The following MIR2052HG variants were observed in gnomAD, a reference collection of about 807,000 sequenced individuals.
MIR2052HG encodes MIR2052 host gene.
chr8:74,606,681 G>A (rs558772408), intron 1 of MIR2052HG, among the ~76,000 whole-genome samples: 14 of 152,234 alleles, frequency 9.2e-5, no homozygotes, highest in Admixed American at 2.6e-4. Flanking sequence ...GGGCCTACCC[G>A]AGTGTAGAGG....
rs185645569 is a variant in MIR2052HG, at chr8:74,604,182, A to G, written n.128+4274A>G. The G allele has an allele frequency of 1.1e-4, 98 of 894,646 alleles. 1 individual carries two copies. The African/African-American group carries it at 1.4e-3, about 13-fold the overall frequency. The allele number at this position is 894,646 out of a possible 1,614,324, so 55.4% of individuals were successfully genotyped here. On this transcript the variant is annotated intron_variant and non_coding_transcript_variant, in intron 1 of 6. Transcript: ENST00000523442. ...CGATGATACTGCCAACTTCCTTTCC[A>G]TGCATAAGTAGTCGGATGGTGAGAG...
At chr8:74,657,136 C>T (rs1300205685) in intron 2 of MIR2052HG, among the ~76,000 whole-genome samples, 2 of 152,180 alleles carry the variant, frequency 1.3e-5, no homozygotes, top group Non-Finnish European at 2.9e-5. Flanking sequence ...TTCTATGCTG[C>T]TGCCTTCTTC....
chr8:74,706,542 G>T (rs966847342), intron 4 of MIR2052HG, among the ~76,000 whole-genome samples: 1 of 152,028 alleles, frequency 6.6e-6, no homozygotes, highest in Admixed American at 6.6e-5. Flanking sequence ...AAGATTATGT[G>T]CAATGTTGGT....
intron 2 of MIR2052HG, among the ~76,000 whole-genome samples, chr8:74,664,035 T>C (rs1358438855): frequency 6.6e-6 from 1 of 152,050 alleles, no homozygotes; most frequent in Admixed American, 6.5e-5. Context: ...GAAAACCAAA[T>C]ACTGTATGTT....
chr8:74,655,479 T>G (rs995265545), intron 2 of MIR2052HG, among the ~76,000 whole-genome samples: 2 of 152,174 alleles, frequency 1.3e-5, no homozygotes, highest in Non-Finnish European at 2.9e-5. Context: ...CTCCAGCCAT[T>G]GCTAAAAGGG....
intron 2 of MIR2052HG, among the ~76,000 whole-genome samples, chr8:74,647,431 A>G (rs1808700827): frequency 6.6e-6 from 1 of 152,226 alleles, no homozygotes; most frequent in Non-Finnish European, 1.5e-5. Flanking sequence ...CACAAATGCA[A>G]AGCATTGCAA....
rs1281427417 is a variant in MIR2052HG, at chr8:74,701,535, GGCA to G, written n.217-843_217-841del. On this transcript the variant is annotated intron_variant and non_coding_transcript_variant, in intron 2 of 6. Coordinates refer to ENST00000523442, the Ensembl canonical transcript of MIR2052HG. ...TCCATAGAGGGTGTTTAGTTGGGGT[GGCA>G]CCAATGGTGGCATCCTAACTAGACT... 2.6e-5 allele frequency among the ~76,000 whole-genome samples: 4 copies of G among 151,960 alleles called. No individual in the cohort carries two copies. The East Asian group carries it at 7.7e-4, about 29-fold the overall frequency.
chr8:74,686,634 G>A (rs1051762882), intron 2 of MIR2052HG, among the ~76,000 whole-genome samples: 16 of 152,030 alleles, frequency 1.1e-4, no homozygotes, highest in Non-Finnish European at 2.9e-5. Context: ...TTTGTTATCT[G>A]TAAAATGATA....
chr8:74,664,241 C>A (rs1321915891), intron 2 of MIR2052HG, among the ~76,000 whole-genome samples: 2 of 150,540 alleles, frequency 1.3e-5, no homozygotes, highest in Non-Finnish European at 3.0e-5. Context: ...GTCCATGTAA[C>A]CAAAAACTGC....
chr8:74,649,592 A>T (rs949980408), intron 2 of MIR2052HG, among the ~76,000 whole-genome samples: 7 of 152,084 alleles, frequency 4.6e-5, no homozygotes, highest in Non-Finnish European at 1.0e-4. Flanking sequence ...TATCACAAAT[A>T]CTTTAATTTT....
At chr8:74,690,651 AAAAAATAAAAT>A (rs1325931333) in intron 2 of MIR2052HG, among the ~76,000 whole-genome samples, 1 of 152,042 alleles carries the variant, frequency 6.6e-6, no homozygotes, top group Non-Finnish European at 1.5e-5. Context: ...ACTCCATCTC[AAAAAATAAAAT>A]AAAAATAAAA....
At chr8:74,736,319 G>T (rs968050371) in intron 4 of MIR2052HG, among the ~76,000 whole-genome samples, 1 of 152,034 alleles carries the variant, frequency 6.6e-6, no homozygotes, top group Admixed American at 6.6e-5. Context: ...TTTATGTGGT[G>T]GGTACATAAT....
chr8:74,715,796 C>CA (rs1809514613), intron 4 of MIR2052HG, among the ~76,000 whole-genome samples: 1 of 152,086 alleles, frequency 6.6e-6, no homozygotes, highest in African/African-American at 2.4e-5. Context: ...TTTATACTTG[C>CA]CAAGAAAATT....
intron 1 of MIR2052HG, among the ~76,000 whole-genome samples, chr8:74,605,315 T>G (rs544976896): frequency 6.6e-6 from 1 of 152,312 alleles, no homozygotes; most frequent in South Asian, 2.1e-4. Flanking sequence ...GTAATCTGAC[T>G]CAAAAGCTTC....
At chr8:74,746,684 G>T (rs541401263) in intron 4 of MIR2052HG, among the ~76,000 whole-genome samples, 2 of 151,730 alleles carry the variant, frequency 1.3e-5, no homozygotes, top group East Asian at 3.9e-4. Flanking sequence ...AAGGGGTAGA[G>T]GATAGAGTGG....
chr8:74,652,389 G>C (rs774794898), intron 2 of MIR2052HG, among the ~76,000 whole-genome samples: 1 of 152,118 alleles, frequency 6.6e-6, no homozygotes, highest in Non-Finnish European at 1.5e-5. Context: ...TTTTAAAAGG[G>C]AGCCTGTATC....
intron 1 of MIR2052HG, among the ~76,000 whole-genome samples, chr8:74,601,747 A>C (rs1808003988): frequency 6.6e-6 from 1 of 152,164 alleles, no homozygotes; most frequent in African/African-American, 2.4e-5. Context: ...TAAACATTTA[A>C]TTGATACTTG....
At chr8:74,691,769 T>C (rs1437739295) in intron 2 of MIR2052HG, among the ~76,000 whole-genome samples, 1 of 152,248 alleles carries the variant, frequency 6.6e-6, no homozygotes, top group African/African-American at 2.4e-5. Context: ...AGGTGATATA[T>C]GCTGACAAGT....
chr8:74,611,825 C>G (rs1357848087), intron 1 of MIR2052HG, among the ~76,000 whole-genome samples: 1 of 152,122 alleles, frequency 6.6e-6, no homozygotes, highest in Non-Finnish European at 1.5e-5. Flanking sequence ...ATAGGATGTT[C>G]AACTATTTGG....
Sources: allele counts gnomAD v4.1 joint callset (sites outside exome capture counted in the v4.1 genomes callset), GRCh38; gene constraint gnomAD v4.1.1; transcripts MANE v1.5; gene names NCBI Gene and HGNC (gene_info 2026-07-23, HGNC 2026-07-21).